The following TMEM107 variants were observed in gnomAD, a reference collection of about 807,000 sequenced individuals.
TMEM107 encodes transmembrane protein 107.
A neutral mutation model predicts 16.8 loss-of-function variants in TMEM107; 18 were observed. The ratio of observed to expected loss-of-function variants is 1.07; its 90% CI spans 0.74 to 1.59. The LOEUF (loss-of-function observed/expected upper bound fraction) is 1.59. Among genes scored for constraint, TMEM107 ranks in the 40% most tolerant of loss-of-function variants. TMEM107 has a pLI of 0.00. For synonymous variants in TMEM107, 68 were observed against 71.6 expected (o/e 0.95, Z 0.25); for missense variants, 152 against 175.4 (o/e 0.87, Z 0.75).
At chr17:8,174,817 G>A (rs558810734) in intron 3 of TMEM107, 7 of 584,194 alleles carry the variant, frequency 1.2e-5, no homozygotes, top group African/African-American at 1.9e-5. Context: ...TGCACAGATC[G>A]GACCTCAGGC....
At position 8,174,562 on chromosome 17, in the gene TMEM107, C is replaced by G. The variant is rs1368021784; in HGVS notation, c.311G>C (p.Arg104Pro). The change falls in exon 4 of 5, where the codon CGT becomes CCT. Residue 104 changes from arginine to proline, a missense_variant. Arg to Pro is a moderately radical substitution (Grantham distance 103). Coordinates refer to ENST00000437139, the MANE Select transcript of TMEM107 (RefSeq NM_183065.4). ...SVALSFFIFE[R>P]WECTTYWYIF... ...GTACCAATACGTAGTGCACTCCCAA[C>G]GCTCGAATATGAAGAAGGACAGGGC... The G allele has an allele frequency of 2.5e-6, 4 of 1,614,014 alleles. No individual in the cohort carries two copies. Among genetic ancestry groups the G allele is most frequent in the Non-Finnish European group, 3.4e-6 (4 of 1,180,040 alleles).
At chr17:8,175,611 G>T in intron 3 of TMEM107, 146 bp downstream of exon 3, 1 of 815,820 alleles carries the variant, frequency 1.2e-6, no homozygotes. Context: ...GATTTTAAGT[G>T]CCTAGTAAAC....
chr17:8,173,852 C>T lies in TMEM107; in HGVS notation c.*351G>A. 1 of 488,534 alleles carries T rather than the reference C, an allele frequency of 2.0e-6. No homozygotes were observed. The highest frequency in any genetic ancestry group is 3.6e-6 in the Non-Finnish European group (1 of 274,636). The allele number at this position is 488,534 out of a possible 1,614,324, so 30.3% of individuals were successfully genotyped here. On this transcript the variant is annotated 3_prime_UTR_variant, in exon 5 of 5. Coordinates refer to ENST00000437139, the MANE Select transcript of TMEM107 (RefSeq NM_183065.4). The stretch of plus-strand genomic sequence containing the variant: ...TCTATTTACATATCTCCGCCCACTC[C>T]CTTCCGCCAGGCACCTACCGTAGTA...
chr17:8,172,595 C>G lies in TMEM107; in HGVS notation c.*1608G>C, dbSNP rs1487816535. The stretch of plus-strand genomic sequence containing the variant: ...GCGGTGGCTCATGCCTGTATCCTAG[C>G]ACTTTAGGAGGCCTAGAGGCCTAGT... On this transcript the variant is annotated 3_prime_UTR_variant, in exon 5 of 5. Coordinates refer to ENST00000437139, the MANE Select transcript of TMEM107 (RefSeq NM_183065.4). 6.6e-6 allele frequency among the ~76,000 whole-genome samples: 1 copy of G among 151,884 alleles called. No homozygotes were observed. Among genetic ancestry groups the G allele is most frequent in the African/African-American group, 2.4e-5 (1 of 41,350 alleles).
At position 8,173,046 on chromosome 17, in the gene TMEM107, C is replaced by T. The variant is rs1249362988; in HGVS notation, c.*1157G>A. The stretch of plus-strand genomic sequence containing the variant: ...AAAAACAAATGTATCCATGTATATA[C>T]ATCTGCGCCGTGCACTCCTGCCTTG... On this transcript the variant is annotated 3_prime_UTR_variant, in exon 5 of 5. Coordinates refer to ENST00000437139, the MANE Select transcript of TMEM107 (RefSeq NM_183065.4). Among the ~76,000 whole-genome samples, 2 of 152,014 alleles carry T rather than the reference C, an allele frequency of 1.3e-5. No individual in the cohort carries two copies. Among genetic ancestry groups the T allele is most frequent in the Non-Finnish European group, 1.5e-5 (1 of 68,018 alleles).
Position 8,173,242 on chromosome 17 carries a change from A to T in TMEM107, c.*961T>A. ...GACAAAAAACAAAGAGCCCATTTGTATTATTTCACTGCCTAAATTCCAGAA... is the reference window on the plus strand; with the variant it reads ...GACAAAAAACAAAGAGCCCATTTGTTTTATTTCACTGCCTAAATTCCAGAA... On this transcript the variant is annotated 3_prime_UTR_variant, in exon 5 of 5. Transcript: ENST00000437139. 2.0e-6 allele frequency: 1 copy of T among 498,662 alleles called. No homozygotes were observed. The highest frequency in any genetic ancestry group is 2.6e-5 in the South Asian group (1 of 38,392). The allele number at this position is 498,662 out of a possible 1,614,324, so 30.9% of individuals were successfully genotyped here. A position where few individuals can be genotyped will look rare whatever the true frequency, so the allele number is the denominator to read the frequency against.
In TMEM107 at chr17:8,175,631, T is replaced by TA. The variant is rs748195384; in HGVS notation, c.256+125dup. On this transcript the variant is annotated intron_variant, in intron 3 of 4. Transcript: ENST00000437139. ...TAAGTGCCTAGTAAACAGCAGGATT[T>TA]AGCACATCGTTGAAGATCTTTGAAC... 8.9e-6 allele frequency: 8 copies of TA among 899,878 alleles called. No homozygotes were observed. The Admixed American group carries it at 1.4e-4, about 16-fold the overall frequency. 55.7% of individuals were successfully genotyped at this position (899,878 alleles called of 1,614,324 possible). A position where few individuals can be genotyped will look rare whatever the true frequency, so the allele number is the denominator to read the frequency against.
rs928497514 is a variant in TMEM107 at position 8,172,867 on chromosome 17, A to C, written c.*1336T>G. Among the ~76,000 whole-genome samples the C allele has an allele frequency of 6.1e-5, 9 of 148,232 alleles. 1 individual carries two copies. Among genetic ancestry groups the C allele is most frequent in the African/African-American group, 2.0e-4 (8 of 40,530 alleles). ...AGTGAGACTGTCTCAAAAAAAAAAA[A>C]AAAAAAAACCAAAAGAGGGGGGTGG... On this transcript the variant is annotated 3_prime_UTR_variant, in exon 5 of 5. Coordinates refer to ENST00000437139, the MANE Select transcript of TMEM107 (RefSeq NM_183065.4).
chr17:8,175,877 T>A lies in TMEM107; in HGVS notation c.156-20A>T. The A allele has an allele frequency of 6.2e-7, 1 of 1,614,186 alleles. No individual in the cohort carries two copies. The highest frequency in any genetic ancestry group is 8.5e-7 in the Non-Finnish European group (1 of 1,180,008). ...ACCAGCCTGCAGAGAGGAAGTGGAC[T>A]GGCCCAGGCCTTTGGACTTATTCTA... On this transcript the variant is annotated intron_variant, in intron 2 of 4. Transcript: ENST00000437139.
rs1983854388 is a variant in TMEM107 at position 8,173,590 on chromosome 17, C to CA, written c.*612dup. 1.3e-6 allele frequency: 1 copy of CA among 763,464 alleles called. No homozygotes were observed. The highest frequency in any genetic ancestry group is 1.7e-5 in the African/African-American group (1 of 59,080). 47.3% of individuals were successfully genotyped at this position (763,464 alleles called of 1,614,324 possible). A position where few individuals can be genotyped will look rare whatever the true frequency, so the allele number is the denominator to read the frequency against. ...GTAAGGATTATCCCACCTGACGATA[C>CA]AGACAAACAGCCGACATTCTGCACT... On this transcript the variant is annotated 3_prime_UTR_variant, in exon 5 of 5. Coordinates refer to ENST00000437139, the MANE Select transcript of TMEM107 (RefSeq NM_183065.4).
chr17:8,174,850 C>T (rs939803717), intron 3 of TMEM107: 20 of 535,846 alleles, frequency 3.7e-5, no homozygotes, highest in African/African-American at 3.6e-4. Flanking sequence ...TATCTGTGGG[C>T]CAGCCTGGAT....
In TMEM107 at chr17:8,175,981, C is replaced by T. The variant is rs1261826107; in HGVS notation, c.133G>A (p.Glu45Lys). The change falls in exon 2 of 5, where the codon GAG (glutamate) becomes AAG (lysine). Residue 45 changes from glutamate to lysine, a missense_variant. Transcript: ENST00000437139. ...CACTGAATGTCCTGCTTGTCATACT[C>T]CTCGGGGGTGAACGTGAGAGGCAGG... ...ACLPLTFTPE[E>K]YDKQDIQLVA... 3 of 1,614,120 alleles carry T rather than the reference C, an allele frequency of 1.9e-6. No homozygotes were observed. Among genetic ancestry groups the T allele is most frequent in the East Asian group, 2.2e-5 (1 of 44,892 alleles).
intron 3 of TMEM107, 83 bp downstream of exon 3, chr17:8,175,674 G>T: frequency 9.1e-7 from 1 of 1,099,220 alleles, no homozygotes; most frequent in Non-Finnish European, 1.4e-6. Context: ...ATTGGCTACA[G>T]CAGACACTAT....
chr17:8,174,903 C>A, intron 3 of TMEM107: 1 of 399,594 alleles, frequency 2.5e-6, no homozygotes, highest in Non-Finnish European at 4.6e-6. Flanking sequence ...TCTGCTATGC[C>A]ACAAAGGAGT....
Position 8,173,499 on chromosome 17 carries a change from G to T in TMEM107, c.*704C>A, listed in dbSNP as rs9893248. 7.8e-6 allele frequency: 6 copies of T among 765,128 alleles called. No homozygotes were observed. The African/African-American group carries it at 8.5e-5, about 11-fold the overall frequency. 47.4% of individuals were successfully genotyped at this position (765,128 alleles called of 1,614,324 possible). On this transcript the variant is annotated 3_prime_UTR_variant, in exon 5 of 5. Transcript: ENST00000437139. ...GTGTTGCAAGTCCTGATTACGCAGA[G>T]ACGTTAATCACGTTTCATGCATCTC...
chr17:8,173,237 T>C lies in TMEM107; in HGVS notation c.*966A>G, dbSNP rs536096095. On this transcript the variant is annotated 3_prime_UTR_variant, in exon 5 of 5. Coordinates refer to ENST00000437139, the MANE Select transcript of TMEM107 (RefSeq NM_183065.4). ...CAAACGACAAAAAACAAAGAGCCCATTTGTATTATTTCACTGCCTAAATTC... is the reference window on the plus strand; with the variant it reads ...CAAACGACAAAAAACAAAGAGCCCACTTGTATTATTTCACTGCCTAAATTC... The C allele has an allele frequency of 3.5e-5, 17 of 480,132 alleles. No homozygotes were observed. The highest frequency in any genetic ancestry group is 5.3e-4 in the Middle Eastern group (1 of 1,870). The allele number at this position is 480,132 out of a possible 1,614,324, so 29.7% of individuals were successfully genotyped here.
At position 8,173,435 on chromosome 17, in the gene TMEM107, TA is replaced by T; in HGVS notation, c.*767del. ...TCTGCTAATCAGCATAACACAAATG[TA>T]AGTGATCGTCAGAAAGAATCAGACA... On this transcript the variant is annotated 3_prime_UTR_variant, in exon 5 of 5. Transcript: ENST00000437139. 1.3e-6 allele frequency: 1 copy of T among 760,640 alleles called. No homozygotes were observed. Among genetic ancestry groups the T allele is most frequent in the Non-Finnish European group, 2.4e-6 (1 of 415,538 alleles). 47.1% of individuals were successfully genotyped at this position (760,640 alleles called of 1,614,324 possible). A position where few individuals can be genotyped will look rare whatever the true frequency, so the allele number is the denominator to read the frequency against.
In TMEM107 at chr17:8,173,677, T is replaced by C. The variant is rs1983879048; in HGVS notation, c.*526A>G. On this transcript the variant is annotated 3_prime_UTR_variant, in exon 5 of 5. Transcript: ENST00000437139. ...CATAACGCGCTGGTATGAGCAATCC[T>C]ATTATTTAGCGTCCTTCCAGTTGTT... 6.1e-6 allele frequency: 4 copies of C among 651,076 alleles called. No homozygotes were observed. The highest frequency in any genetic ancestry group is 1.1e-5 in the Non-Finnish European group (4 of 358,970). The allele number at this position is 651,076 out of a possible 1,614,324, so 40.3% of individuals were successfully genotyped here.
At position 8,172,865 on chromosome 17, in the gene TMEM107, AAAAAAAAAAACC is replaced by A. The variant is rs1421915796; in HGVS notation, c.*1326_*1337del. On this transcript the variant is annotated 3_prime_UTR_variant, in exon 5 of 5. Coordinates refer to ENST00000437139, the MANE Select transcript of TMEM107 (RefSeq NM_183065.4). ...AGAGTGAGACTGTCTCAAAAAAAAA[AAAAAAAAAAACC>A]AAAAGAGGGGGGTGGTCAACATACC... Among the ~76,000 whole-genome samples the A allele has an allele frequency of 5.4e-5, 8 of 148,302 alleles. No homozygotes were observed. Among genetic ancestry groups the A allele is most frequent in the Admixed American group, 4.0e-4 (6 of 14,938 alleles).
Sources: allele counts gnomAD v4.1 joint callset (sites outside exome capture counted in the v4.1 genomes callset), GRCh38; gene constraint gnomAD v4.1.1; transcripts MANE v1.5; gene names NCBI Gene and HGNC (gene_info 2026-07-23, HGNC 2026-07-21).